The following DRC8 variants were observed in gnomAD, a reference collection of about 807,000 sequenced individuals.
DRC8 encodes dynein regulatory complex protein 8.
the DRC8 span, among the ~76,000 whole-genome samples, chr1:245,070,052 AAAAT>A: frequency 6.6e-6 from 1 of 152,184 alleles, no homozygotes; most frequent in Non-Finnish European, 1.5e-5. Context: ...CTCTAAATAA[AAAAT>A]AAACCAATAA....
the DRC8 span, among the ~76,000 whole-genome samples, chr1:245,033,244 C>T: frequency 5.9e-5 from 9 of 152,160 alleles, no homozygotes; most frequent in Admixed American, 2.6e-4. Context: ...CCACAGGTGC[C>T]GGTGTGGGTA....
chr1:245,039,481 A>AT, the DRC8 span, among the ~76,000 whole-genome samples: 1 of 133,126 alleles, frequency 7.5e-6, no homozygotes, highest in Non-Finnish European at 1.7e-5. Context: ...TCTTAAAAAA[A>AT]AAAAAAAAGA....
the DRC8 span, among the ~76,000 whole-genome samples, chr1:245,088,541 C>G: frequency 6.6e-6 from 1 of 152,198 alleles, no homozygotes; most frequent in Non-Finnish European, 1.5e-5. This position sits in a 1 kb window ranked among gnomAD's most constrained non-coding sequence, Gnocchi z 4.6. Context: ...GTGCTGGGAA[C>G]CGGAGTCCCT....
the DRC8 span, among the ~76,000 whole-genome samples, chr1:244,978,590 A>G: frequency 6.6e-6 from 1 of 152,022 alleles, no homozygotes. Context: ...TCTGGGCTCA[A>G]GTGATCTTCC....
the DRC8 span, among the ~76,000 whole-genome samples, chr1:245,019,230 GT>G: frequency 6.6e-6 from 1 of 152,108 alleles, no homozygotes; most frequent in South Asian, 2.1e-4. Flanking sequence ...TAAGAAAATT[GT>G]TATTGTTTTT....
chr1:245,078,711 T>C, the DRC8 span, among the ~76,000 whole-genome samples: 643 of 152,322 alleles, frequency 4.2e-3, 4 homozygotes, highest in Non-Finnish European at 7.6e-3. Flanking sequence ...GAGTACAAAC[T>C]TTTAGTGATA....
the DRC8 span, among the ~76,000 whole-genome samples, chr1:245,035,729 C>T: frequency 1.3e-5 from 2 of 151,728 alleles, no homozygotes; most frequent in Non-Finnish European, 1.5e-5. Context: ...TAGCTGGGCA[C>T]GGTGGTACAC....
the DRC8 span, among the ~76,000 whole-genome samples, chr1:244,974,479 C>T: frequency 6.6e-6 from 1 of 152,166 alleles, no homozygotes; most frequent in Non-Finnish European, 1.5e-5. Context: ...TAAAGTGCCT[C>T]TAATTCAATT....
At chr1:245,016,272 C>T in the DRC8 span, among the ~76,000 whole-genome samples, 1 of 152,206 alleles carries the variant, frequency 6.6e-6, no homozygotes, top group East Asian at 1.9e-4. Flanking sequence ...TGAGCCACCG[C>T]ACCTAGCCAA....
At chr1:245,081,564 G>A in the DRC8 span, among the ~76,000 whole-genome samples, 1 of 152,162 alleles carries the variant, frequency 6.6e-6, no homozygotes, top group African/African-American at 2.4e-5. Flanking sequence ...CATCTCCCGG[G>A]TTCAAGTGGT....
chr1:245,064,804 C>A, the DRC8 span, among the ~76,000 whole-genome samples: 2 of 152,036 alleles, frequency 1.3e-5, no homozygotes, highest in Non-Finnish European at 2.9e-5. Flanking sequence ...ATTCTGGTTC[C>A]CAATCCTTTG....
At chr1:245,121,878 T>C in the DRC8 span, 1 of 423,242 alleles carries the variant, frequency 2.4e-6, no homozygotes, top group Admixed American at 2.8e-5. Context: ...TTCTTAATTA[T>C]TTTTCTTTTC....
chr1:245,059,929 T>A, the DRC8 span, among the ~76,000 whole-genome samples: 1 of 152,310 alleles, frequency 6.6e-6, no homozygotes, highest in South Asian at 2.1e-4. Flanking sequence ...TGGAGGTGAA[T>A]GATCCCATAA....
chr1:245,051,938 CA>C, the DRC8 span, among the ~76,000 whole-genome samples: 19,562 of 152,114 alleles, frequency 0.13, 1,638 homozygotes, highest in Middle Eastern at 0.26. Flanking sequence ...TAAAGTGGTA[CA>C]AAGTCAGCGA....
At chr1:244,974,961 C>T in the DRC8 span, among the ~76,000 whole-genome samples, 10 of 151,400 alleles carry the variant, frequency 6.6e-5, no homozygotes, top group South Asian at 2.1e-4. Flanking sequence ...GATGGAGTCT[C>T]GCTCTGTCGC....
At chr1:245,025,439 C>T in the DRC8 span, among the ~76,000 whole-genome samples, 1 of 152,088 alleles carries the variant, frequency 6.6e-6, no homozygotes, top group Non-Finnish European at 1.5e-5. Context: ...ACTTAAGCCA[C>T]AAGAGTATAA....
the DRC8 span, among the ~76,000 whole-genome samples, chr1:245,051,030 A>G: frequency 6.6e-6 from 1 of 152,014 alleles, no homozygotes; most frequent in East Asian, 1.9e-4. Context: ...CCATACCCCA[A>G]TAATTTTTAA....
the DRC8 span, among the ~76,000 whole-genome samples, chr1:245,072,086 G>T: frequency 2.0e-5 from 3 of 152,136 alleles, no homozygotes; most frequent in Non-Finnish European, 4.4e-5. Context: ...TTATGCAAAG[G>T]AATTGAAAAT....
chr1:245,052,487 C>G, the DRC8 span, among the ~76,000 whole-genome samples: 1 of 152,170 alleles, frequency 6.6e-6, no homozygotes, highest in Admixed American at 6.5e-5. Context: ...CGCAGCCAAC[C>G]CGCAGGATGG....
Sources: allele counts gnomAD v4.1 joint callset (sites outside exome capture counted in the v4.1 genomes callset), GRCh38; gene constraint gnomAD v4.1.1; non-coding constraint Gnocchi (gnomAD v3.1); transcripts MANE v1.5; gene names NCBI Gene and HGNC (gene_info 2026-07-23, HGNC 2026-07-21).